Variants in ZMYND12 observed in about 807,000 individuals in gnomAD.
ZMYND12 encodes zinc finger MYND-type containing 12.
A neutral mutation model predicts 41.7 loss-of-function variants in ZMYND12; 32 were observed. That is an observed-to-expected ratio of 0.77 (90% CI 0.58 to 1.03). The LOEUF (loss-of-function observed/expected upper bound fraction) is 1.03, where lower values mean the gene tolerates loss of function less well. ZMYND12 is among the 50% of genes least tolerant of loss of function. The pLI, the probability that ZMYND12 is intolerant of heterozygous loss-of-function variation, is 0.00. For missense variants in ZMYND12, 424 were observed against 438.5 expected (o/e 0.97, Z 0.30); for synonymous variants, 148 against 164.8 (o/e 0.90, Z 0.78).
chr1:42,453,073 T>G (rs1049346698), intron 1 of ZMYND12, among the ~76,000 whole-genome samples: 4 of 152,170 alleles, frequency 2.6e-5, no homozygotes, highest in Non-Finnish European at 4.4e-5. Flanking sequence ...TGTGCCAACA[T>G]GGTTCCAGGA....
chr1:42,446,028 T>TGAGCAGGGC (rs1643020644), intron 3 of ZMYND12, among the ~76,000 whole-genome samples: 2 of 152,036 alleles, frequency 1.3e-5, no homozygotes, highest in South Asian at 2.1e-4. Context: ...CTGGGCAGGG[T>TGAGCAGGGC]GAGCAGGGCA....
chr1:42,444,828 G>A (rs7525350), intron 3 of ZMYND12, among the ~76,000 whole-genome samples: 47,992 of 136,390 alleles, frequency 0.35, 8,410 homozygotes, highest in Admixed American at 0.4. Flanking sequence ...TTTTTGAGAC[G>A]GAGTCTCGCT....
intron 3 of ZMYND12, among the ~76,000 whole-genome samples, chr1:42,441,445 C>T (rs1404783772): frequency 1.3e-5 from 2 of 152,180 alleles, no homozygotes; most frequent in African/African-American, 4.8e-5. Context: ...GTAGTATTTG[C>T]ATATAACCTA....
intron 3 of ZMYND12, among the ~76,000 whole-genome samples, chr1:42,444,704 C>T: frequency 6.6e-6 from 1 of 152,226 alleles, no homozygotes; most frequent in South Asian, 2.1e-4. Context: ...CCAGTTCTCC[C>T]CTGAGCTTAC....
At chr1:42,432,929 G>A (rs1347064568) in intron 7 of ZMYND12, 7 of 550,820 alleles carry the variant, frequency 1.3e-5, no homozygotes, top group Non-Finnish European at 2.1e-5. Flanking sequence ...ATCTATGCAA[G>A]ACTGGGAACC....
Position 42,436,434 on chromosome 1 carries a change from G to T in ZMYND12, c.704C>A (p.Thr235Lys), listed in dbSNP as rs902246656. The change falls in exon 5 of 8, where the codon ACA becomes AAA. Residue 235 changes from threonine to lysine, a missense_variant. Coordinates refer to ENST00000372565, the MANE Select transcript of ZMYND12 (RefSeq NM_032257.5). ...TCCCCAGCTCACCTTGGTGTACAAT[G>T]TGTCTGCCAGGTCCAACTTTTTAAG... ...YDLKKLDLAD[T>K]LYTKVSEIWH... The T allele has an allele frequency of 1.2e-6, 2 of 1,613,306 alleles. No homozygotes were observed. Among genetic ancestry groups the T allele is most frequent in the African/African-American group, 2.7e-5 (2 of 74,918 alleles).
At chr1:42,455,693 G>A (rs1643159382) in intron 1 of ZMYND12, among the ~76,000 whole-genome samples, 195 bp downstream of exon 1, 1 of 152,232 alleles carries the variant, frequency 6.6e-6, no homozygotes, top group Non-Finnish European at 1.5e-5. Context: ...TACGCCTTCA[G>A]AAAACATGAG....
chr1:42,436,404 C>T lies in ZMYND12; in HGVS notation c.717+17G>A, dbSNP rs1325555588. The T allele has an allele frequency of 1.9e-6, 3 of 1,612,262 alleles. No homozygotes were observed. The highest frequency in any genetic ancestry group is 2.7e-5 in the African/African-American group (2 of 74,896). On this transcript the variant is annotated intron_variant, in intron 5 of 7. Coordinates refer to ENST00000372565, the MANE Select transcript of ZMYND12 (RefSeq NM_032257.5). ...AGCCTAAGAGTGAAGGCTCAGCTCC[C>T]ACATTCCCCAGCTCACCTTGGTGTA...
At position 42,435,543 on chromosome 1, in the gene ZMYND12, C is replaced by T. The variant is rs1482144313; in HGVS notation, c.718-158G>A. ...GCAGAGGGAACCCTAGGAGCCCAAA[C>T]AGGCCTGGCCAAGGTAAGTGTGACA... On this transcript the variant is annotated intron_variant, in intron 5 of 7. Transcript: ENST00000372565. 6.8e-5 allele frequency: 39 copies of T among 572,652 alleles called. 1 individual carries two copies. The highest frequency in any genetic ancestry group is 6.2e-4 in the South Asian group (31 of 49,642). 35.5% of individuals were successfully genotyped at this position (572,652 alleles called of 1,614,324 possible).
chr1:42,431,901 G>T (rs1177943934), intron 7 of ZMYND12, among the ~76,000 whole-genome samples: 1 of 152,006 alleles, frequency 6.6e-6, no homozygotes, highest in Admixed American at 6.6e-5. Flanking sequence ...CTTAGTAAAA[G>T]TTAGCTGAAG....
intron 1 of ZMYND12, among the ~76,000 whole-genome samples, chr1:42,451,517 G>T (rs1005742412): frequency 2.0e-5 from 3 of 152,124 alleles, no homozygotes; most frequent in Non-Finnish European, 4.4e-5. Context: ...AATATTTTAG[G>T]CTTGAGAGCT....
intron 1 of ZMYND12, among the ~76,000 whole-genome samples, chr1:42,453,431 G>T (rs1643108040): frequency 6.6e-6 from 1 of 152,142 alleles, no homozygotes; most frequent in African/African-American, 2.4e-5. Context: ...ACAATGACAG[G>T]TCGGACATAG....
chr1:42,448,669 C>G (rs752341852), intron 2 of ZMYND12, 31 bp from the exon 3 acceptor site: 3 of 1,574,774 alleles, frequency 1.9e-6, no homozygotes, highest in Non-Finnish European at 2.6e-6. Context: ...CTATCTGAGA[C>G]AGTCTAAAGT....
intron 3 of ZMYND12, among the ~76,000 whole-genome samples, chr1:42,440,875 C>G (rs1642960815): frequency 6.6e-6 from 1 of 152,058 alleles, no homozygotes; most frequent in African/African-American, 2.4e-5. Flanking sequence ...ACCATGTTTG[C>G]CAGGCTGGTC....
chr1:42,437,440 CTGTGTGTGTG>C (rs113850227), intron 4 of ZMYND12, among the ~76,000 whole-genome samples: 47 of 144,502 alleles, frequency 3.3e-4, no homozygotes, highest in Middle Eastern at 3.5e-3. Flanking sequence ...CAATAAAGCT[CTGTGTGTGTG>C]TGTGTGTGTG....
intron 5 of ZMYND12, among the ~76,000 whole-genome samples, chr1:42,435,702 T>C (rs547762065): frequency 6.6e-6 from 1 of 152,318 alleles, no homozygotes; most frequent in Admixed American, 6.5e-5. Context: ...GATGTAATAT[T>C]CTTATTATTC....
At chr1:42,431,973 C>T in intron 7 of ZMYND12, among the ~76,000 whole-genome samples, 1 of 151,974 alleles carries the variant, frequency 6.6e-6, no homozygotes, top group East Asian at 1.9e-4. Flanking sequence ...GTCACCCACA[C>T]AAAAAGGGCT....
chr1:42,430,929 CT>C (rs1642842324), intron 7 of ZMYND12, 71 bp from the exon 8 acceptor site: 29 of 1,589,374 alleles, frequency 1.8e-5, no homozygotes, highest in Non-Finnish European at 2.5e-5. Context: ...CCCATCTGTG[CT>C]CAACTCCAGA....
rs1643049281 is a variant in ZMYND12 at position 42,448,651 on chromosome 1, GAAAC to G, written c.253-17_253-14del. 2 of 1,602,132 alleles carry G rather than the reference GAAAC, an allele frequency of 1.2e-6. No individual in the cohort carries two copies. Among genetic ancestry groups the G allele is most frequent in the East Asian group, 2.2e-5 (1 of 44,578 alleles). On this transcript the variant is annotated splice_polypyrimidine_tract_variant and intron_variant, in intron 2 of 7. Coordinates refer to ENST00000372565, the MANE Select transcript of ZMYND12 (RefSeq NM_032257.5). ...CAATCAAATACTTCTGTGGAAGAGAGAAACAGACTATCTGAGACAGTCTAAAGTT... is the reference window on the plus strand; with the variant it reads ...CAATCAAATACTTCTGTGGAAGAGAGAGACTATCTGAGACAGTCTAAAGTT...
Sources: allele counts gnomAD v4.1 joint callset (sites outside exome capture counted in the v4.1 genomes callset), GRCh38; gene constraint gnomAD v4.1.1; transcripts MANE v1.5; gene names NCBI Gene and HGNC (gene_info 2026-07-23, HGNC 2026-07-21).